The following SCML4 variants were observed in gnomAD, a reference collection of about 807,000 sequenced individuals.
SCML4 encodes Scm polycomb group protein like 4, also known as sex comb on midleg-like protein 4.
A neutral mutation model predicts 41.1 loss-of-function variants in SCML4; 34 were observed. That is an observed-to-expected ratio of 0.83 (90% CI 0.63 to 1.10). The LOEUF (loss-of-function observed/expected upper bound fraction) is 1.10, where lower values mean the gene tolerates loss of function less well. Among genes scored for constraint, SCML4 ranks in the 50% least tolerant of loss-of-function variants. The pLI is 0.00. For synonymous variants in SCML4, 214 were observed against 220.9 expected, an observed-to-expected ratio of 0.97 and a Z score of 0.28; for missense variants, 522 against 534.1, an observed-to-expected ratio of 0.98 and a Z score of 0.22.
the SCML4 span, among the ~76,000 whole-genome samples, chr6:107,835,098 G>A: frequency 2.0e-5 from 3 of 151,858 alleles, no homozygotes; most frequent in East Asian, 1.9e-4. Context: ...AGTGGCTCGC[G>A]GCCTGTAATC....
intron 5 of SCML4, among the ~76,000 whole-genome samples, chr6:107,741,289 G>A (rs953064052): frequency 5.4e-4 from 82 of 152,202 alleles, no homozygotes; most frequent in Admixed American, 6.5e-5. Flanking sequence ...TGACTTCCAC[G>A]TTCAAGTCCC....
At chr6:107,705,384 G>T in intron 7 of SCML4, 59 bp from the exon 8 acceptor site, 1 of 1,511,156 alleles carries the variant, frequency 6.6e-7, no homozygotes. Flanking sequence ...TCATCGAACA[G>T]TGGCTAAGGT....
At chr6:107,780,901 A>G (rs928270848) in intron 1 of SCML4, among the ~76,000 whole-genome samples, 1 of 152,190 alleles carries the variant, frequency 6.6e-6, no homozygotes, top group African/African-American at 2.4e-5. Context: ...TTATGAATCA[A>G]TAATAATAGT....
the SCML4 span, among the ~76,000 whole-genome samples, chr6:107,829,696 A>G: frequency 2.0e-5 from 3 of 152,214 alleles, no homozygotes; most frequent in African/African-American, 7.2e-5. Flanking sequence ...TGGCACATGT[A>G]TACCTATGTA....
chr6:107,727,604 T>C (rs1374573654), intron 5 of SCML4, among the ~76,000 whole-genome samples: 1 of 152,212 alleles, frequency 6.6e-6, no homozygotes, highest in Non-Finnish European at 1.5e-5. Flanking sequence ...AATGAAGTGC[T>C]GCGAGATGTC....
At chr6:107,772,737 T>C (rs1411316210) in intron 1 of SCML4, among the ~76,000 whole-genome samples, 1 of 152,250 alleles carries the variant, frequency 6.6e-6, no homozygotes, top group African/African-American at 2.4e-5. Context: ...AGTTCAACTT[T>C]GAACTGTTGT....
At chr6:107,782,168 A>T (rs1453666279) in intron 1 of SCML4, among the ~76,000 whole-genome samples, 1 of 152,226 alleles carries the variant, frequency 6.6e-6, no homozygotes, top group Non-Finnish European at 1.5e-5. Flanking sequence ...GGATTCGGAA[A>T]CGCTTTAGAA....
rs1479555495 is a variant in SCML4, at chr6:107,717,181, G to C, written c.973+3522C>G. On this transcript the variant is annotated intron_variant, in intron 6 of 7. Transcript: ENST00000369020. ...AAAAAAAAAAAAAAAAAAGCCAGGT[G>C]TGGTGGCAGGCACCTGTAGTCCCAG... 1.4e-5 allele frequency among the ~76,000 whole-genome samples: 2 copies of C among 140,158 alleles called. 1 individual carries two copies. Among genetic ancestry groups the C allele is most frequent in the East Asian group, 4.3e-4 (2 of 4,652 alleles). 91.9% of individuals were successfully genotyped at this position (140,158 alleles called of 152,430 possible).
chr6:107,828,304 T>C (rs546599067), upstream of SCML4, among the ~76,000 whole-genome samples: 2 of 152,342 alleles, frequency 1.3e-5, no homozygotes, highest in Admixed American at 1.3e-4. Flanking sequence ...TGACTTTCTA[T>C]AACACGGGAC....
At chr6:107,844,101 G>A in the SCML4 span, among the ~76,000 whole-genome samples, 1 of 152,192 alleles carries the variant, frequency 6.6e-6, no homozygotes, top group Non-Finnish European at 1.5e-5. Flanking sequence ...CAAAAGAAAA[G>A]CTAGATGCTA....
At chr6:107,780,873 G>A (rs1344870501) in intron 1 of SCML4, among the ~76,000 whole-genome samples, 2 of 151,956 alleles carry the variant, frequency 1.3e-5, no homozygotes, top group Admixed American at 6.6e-5. Context: ...AGAGGACAAA[G>A]AAGCAACTTG....
intron 2 of SCML4, chr6:107,755,563 G>C (rs1297098330): frequency 6.1e-6 from 8 of 1,309,390 alleles, no homozygotes; most frequent in African/African-American, 1.5e-5. Flanking sequence ...CAGTCCATCA[G>C]CACAAACCTC....
intron 2 of SCML4, among the ~76,000 whole-genome samples, chr6:107,754,922 G>C (rs934003993): frequency 1.3e-5 from 2 of 152,106 alleles, no homozygotes; most frequent in Admixed American, 1.3e-4. Flanking sequence ...GGACAACATA[G>C]TGATATCTCT....
At chr6:107,727,897 T>C (rs1353581046) in intron 5 of SCML4, among the ~76,000 whole-genome samples, 1 of 152,254 alleles carries the variant, frequency 6.6e-6, no homozygotes, top group African/African-American at 2.4e-5. Context: ...GTGTCCCACA[T>C]GTCAGGTGCT....
upstream of SCML4, among the ~76,000 whole-genome samples, chr6:107,824,931 T>A (rs535739635): frequency 5.3e-5 from 8 of 152,266 alleles, no homozygotes; most frequent in East Asian, 1.6e-3. Context: ...ACATATTAAA[T>A]CAGCGGCTGC....
chr6:107,829,734 C>T, the SCML4 span, among the ~76,000 whole-genome samples: 1 of 151,512 alleles, frequency 6.6e-6, no homozygotes, highest in African/African-American at 2.4e-5. Flanking sequence ...GCACATGTAT[C>T]CCAGAGCTTA....
At chr6:107,745,378 A>G in intron 4 of SCML4, 1 of 477,202 alleles carries the variant, frequency 2.1e-6, no homozygotes, top group Non-Finnish European at 3.7e-6. Flanking sequence ...ACTGTTTCTC[A>G]GTCTTGCCTT....
intron 1 of SCML4, among the ~76,000 whole-genome samples, chr6:107,801,675 A>G (rs1203002738): frequency 6.6e-6 from 1 of 152,192 alleles, no homozygotes; most frequent in Admixed American, 6.5e-5. Context: ...TCCTGGAAGG[A>G]TATGTTGCTG....
At chr6:107,746,598 G>T in intron 4 of SCML4, 91 bp downstream of exon 4, 1 of 1,162,202 alleles carries the variant, frequency 8.6e-7, no homozygotes, top group Non-Finnish European at 1.3e-6. Flanking sequence ...ACAGACCCTG[G>T]CCACACCTGC....
Sources: gnomAD v4.1 joint callset for allele counts (sites outside exome capture counted in the v4.1 genomes callset) on GRCh38, gnomAD v4.1.1 for gene constraint, MANE v1.5 for transcripts, NCBI Gene and HGNC (gene_info 2026-07-23, HGNC 2026-07-21) for gene names.